STPG2: variants seen among roughly 807,000 people sequenced by gnomAD.
STPG2 encodes sperm-tail PG-rich repeat-containing protein 2.
Under a neutral mutation model 54.2 loss-of-function variants are expected in STPG2, and 56 were observed. The ratio of observed to expected loss-of-function variants is 1.03; its 90% CI spans 0.83 to 1.29. STPG2 has a LOEUF of 1.29. STPG2 is among the 50% of genes most tolerant of loss of function. STPG2 has a pLI of 0.00. For missense variants in STPG2, 596 were observed against 544.9 expected, an observed-to-expected ratio of 1.09 and a Z score of -0.93; for synonymous variants, 200 against 181.8, an observed-to-expected ratio of 1.10 and a Z score of -0.81.
intron 9 of STPG2, among the ~76,000 whole-genome samples, chr4:97,808,016 G>A (rs1727624099): frequency 6.6e-6 from 1 of 151,904 alleles, no homozygotes; most frequent in African/African-American, 2.4e-5. Flanking sequence ...TTAAAGTGCT[G>A]AATAATGGCT....
At chr4:97,613,883 A>G (rs1361260422) in intron 10 of STPG2, among the ~76,000 whole-genome samples, 1 of 152,066 alleles carries the variant, frequency 6.6e-6, no homozygotes, top group East Asian at 1.9e-4. Flanking sequence ...CCTAGAATCA[A>G]TAATTTTCCC....
At chr4:97,850,131 T>C (rs1447677999) in intron 8 of STPG2, among the ~76,000 whole-genome samples, 1 of 150,200 alleles carries the variant, frequency 6.7e-6, no homozygotes, top group African/African-American at 2.5e-5. Context: ...GGGACATGGA[T>C]GAAATTGGAA....
chr4:98,079,850 G>T lies in STPG2; in HGVS notation c.612+26103C>A, dbSNP rs140757939. Among the ~76,000 whole-genome samples, 203 of 152,010 alleles carry T rather than the reference G, an allele frequency of 1.3e-3. 4 individuals are homozygous for T. The East Asian group carries it at 0.034, about 26-fold the overall frequency. On this transcript the variant is annotated intron_variant, in intron 5 of 10. Transcript: ENST00000295268. Reference sequence around the variant, plus strand: ...TGTTGCTTTTAAAATATTTTTAAATGTCAATATAAAATGATTTTACTCAAG... The same window carrying T: ...TGTTGCTTTTAAAATATTTTTAAATTTCAATATAAAATGATTTTACTCAAG...
intron 4 of STPG2, among the ~76,000 whole-genome samples, chr4:97,486,351 G>A (rs1730358171): frequency 6.6e-6 from 1 of 151,584 alleles, no homozygotes; most frequent in African/African-American, 2.4e-5. Flanking sequence ...ATCAAAAAGT[G>A]GGCTAAGAAC....
rs1336331999 is a variant in STPG2, at chr4:97,445,189, A to C, written c.463-257356T>G. Among the ~76,000 whole-genome samples the C allele has an allele frequency of 4.6e-5, 7 of 152,236 alleles. No homozygotes were observed. The South Asian group carries it at 1.2e-3, about 27-fold the overall frequency. On this transcript the variant is annotated intron_variant, in intron 4 of 4. Transcript: ENST00000522676. ...CTTTGCCTTGTAAAGAATGTACTAC[A>C]TATTGATAACTAATAAAGATTATAA...
chr4:97,796,051 G>GTTT (rs1168351079), intron 9 of STPG2, among the ~76,000 whole-genome samples: 1 of 151,736 alleles, frequency 6.6e-6, no homozygotes, highest in Non-Finnish European at 1.5e-5. Context: ...GGGGTTGTTT[G>GTTT]TTTTTTTCTT....
chr4:97,827,429 G>A (rs1020710976), intron 9 of STPG2, among the ~76,000 whole-genome samples: 1 of 151,948 alleles, frequency 6.6e-6, no homozygotes, highest in African/African-American at 2.4e-5. Flanking sequence ...TAGAGACGGG[G>A]CTTCACCGTG....
chr4:97,928,915 T>G (rs759461858), intron 8 of STPG2, among the ~76,000 whole-genome samples: 1 of 152,132 alleles, frequency 6.6e-6, no homozygotes, highest in Non-Finnish European at 1.5e-5. Context: ...TGGGGGTCCA[T>G]GTGAAGGTTT....
chr4:97,774,710 C>T (rs760250551), intron 9 of STPG2, among the ~76,000 whole-genome samples: 3 of 152,112 alleles, frequency 2.0e-5, no homozygotes, highest in Non-Finnish European at 2.9e-5. Flanking sequence ...AACTCATTCT[C>T]ACACACACAC....
chr4:98,143,386 T>A lies in STPG2; in HGVS notation c.-236A>T, dbSNP rs1161554907. 1 of 499,608 alleles carries A rather than the reference T, an allele frequency of 2.0e-6. No individual in the cohort carries two copies. The highest frequency in any genetic ancestry group is 3.6e-6 in the Non-Finnish European group (1 of 276,714). The allele number at this position is 499,608 out of a possible 1,614,324, so 30.9% of individuals were successfully genotyped here. A position where few individuals can be genotyped will look rare whatever the true frequency, so the allele number is the denominator to read the frequency against. ...AGTAGAGGGGTGAGCGACTAGAGAT[T>A]AGACGTCCCACACAATCATCAGTTT... is the stretch of plus-strand genomic sequence containing the variant. On this transcript the variant is annotated 5_prime_UTR_variant, in exon 1 of 11. An upstream open reading frame in the 5' UTR loses its in-frame stop. Coordinates refer to ENST00000295268, the MANE Select transcript of STPG2 (RefSeq NM_174952.3).
At chr4:97,704,006 T>G (rs1723869081) in intron 10 of STPG2, among the ~76,000 whole-genome samples, 1 of 151,976 alleles carries the variant, frequency 6.6e-6, no homozygotes, top group African/African-American at 2.4e-5. Context: ...GAGGCTAGGC[T>G]GGTCTTATCC....
At chr4:97,927,836 G>A (rs1017507115) in intron 8 of STPG2, among the ~76,000 whole-genome samples, 6 of 151,990 alleles carry the variant, frequency 3.9e-5, no homozygotes, top group Non-Finnish European at 7.4e-5. Flanking sequence ...CATTTGGAAT[G>A]GTGCCTGGCA....
At chr4:98,076,986 C>T (rs912863401) in intron 5 of STPG2, among the ~76,000 whole-genome samples, 11 of 152,076 alleles carry the variant, frequency 7.2e-5, no homozygotes, top group African/African-American at 2.4e-4. Context: ...AAACACCCTA[C>T]AATCATGGTT....
intron 5 of STPG2, among the ~76,000 whole-genome samples, chr4:98,043,130 C>A (rs1737017205): frequency 6.6e-6 from 1 of 151,998 alleles, no homozygotes; most frequent in African/African-American, 2.4e-5. Flanking sequence ...GCGTACTTTT[C>A]TAACATAACT....
intron 4 of STPG2, among the ~76,000 whole-genome samples, chr4:97,458,405 T>G (rs1729579909): frequency 1.3e-5 from 2 of 152,172 alleles, no homozygotes; most frequent in Non-Finnish European, 2.9e-5. Flanking sequence ...AATACAATGT[T>G]AAAGAGCTAT....
intron 8 of STPG2, among the ~76,000 whole-genome samples, chr4:97,907,402 T>TG (rs1469147374): frequency 6.6e-6 from 1 of 152,244 alleles, no homozygotes; most frequent in Non-Finnish European, 1.5e-5. Flanking sequence ...TCCATGTTCA[T>TG]GGGTAGGAAG....
chr4:97,990,278 C>T (rs954151416), intron 5 of STPG2, among the ~76,000 whole-genome samples: 3 of 152,000 alleles, frequency 2.0e-5, no homozygotes, highest in African/African-American at 7.3e-5. Flanking sequence ...CAAATGAGGT[C>T]CTTGCTTCTA....
intron 10 of STPG2, among the ~76,000 whole-genome samples, chr4:97,563,172 A>C (rs1732309452): frequency 6.6e-6 from 1 of 152,090 alleles, no homozygotes; most frequent in Non-Finnish European, 1.5e-5. Flanking sequence ...TAGTCTTGGG[A>C]GGGTGTATGT....
chr4:97,566,432 T>G (rs7671330), intron 10 of STPG2, among the ~76,000 whole-genome samples: 1 of 152,232 alleles, frequency 6.6e-6, no homozygotes, highest in Admixed American at 6.5e-5. Flanking sequence ...GCACATGGCG[T>G]GCTGCACCCA....
Sources: allele counts gnomAD v4.1 joint callset (sites outside exome capture counted in the v4.1 genomes callset), GRCh38; gene constraint gnomAD v4.1.1; transcripts MANE v1.5; gene names NCBI Gene and HGNC (gene_info 2026-07-23, HGNC 2026-07-21).